Variants in CEP55 observed in about 807,000 individuals in gnomAD.
CEP55 encodes the protein centrosomal protein of 55 kDa.
In CEP55, 57 loss-of-function variants were observed where a neutral mutation model predicts 63.2. The ratio of observed to expected loss-of-function variants is 0.90; its 90% confidence interval spans 0.73 to 1.13. The LOEUF is 1.13. Among genes scored for constraint, CEP55 ranks in the 50% most tolerant of loss-of-function variants. The pLI is 0.00. For synonymous variants in CEP55, 178 were observed against 191.6 expected, an observed-to-expected ratio of 0.93 and a Z score of 0.59; for missense variants, 456 against 518.9, an observed-to-expected ratio of 0.88 and a Z score of 1.18.
At chr10:93,522,043 C>T (rs1218012153) in intron 8 of CEP55, among the ~76,000 whole-genome samples, 2 of 152,216 alleles carry the variant, frequency 1.3e-5, no homozygotes, top group African/African-American at 4.8e-5. Flanking sequence ...TGCCTCTCCT[C>T]CTCCAAAGGA....
intron 3 of CEP55, among the ~76,000 whole-genome samples, chr10:93,503,953 CCT>C (rs963335626): frequency 6.6e-6 from 1 of 151,728 alleles, no homozygotes; most frequent in African/African-American, 2.4e-5. Flanking sequence ...TCTCCAGACC[CCT>C]GTTCTAAATC....
intron 7 of CEP55, chr10:93,519,234 T>C: frequency 4.6e-6 from 2 of 430,254 alleles, no homozygotes; most frequent in Non-Finnish European, 8.4e-6. Context: ...CCAGTGGCTG[T>C]AGCTCCTAGC....
intron 8 of CEP55, 193 bp downstream of exon 8, chr10:93,520,000 C>T: frequency 3.2e-6 from 2 of 621,492 alleles, no homozygotes; most frequent in Non-Finnish European, 5.6e-6. Flanking sequence ...GACATGATCA[C>T]ATCTGGAAAC....
intron 4 of CEP55, among the ~76,000 whole-genome samples, chr10:93,511,253 T>G (rs1463701650): frequency 4.6e-5 from 7 of 152,148 alleles, no homozygotes; most frequent in African/African-American, 1.7e-4. Flanking sequence ...CAGGACATGT[T>G]ATTTTGCCCA....
At chr10:93,515,059 C>A (rs1045894316) in intron 4 of CEP55, among the ~76,000 whole-genome samples, 3 of 152,176 alleles carry the variant, frequency 2.0e-5, no homozygotes, top group Non-Finnish European at 4.4e-5. Flanking sequence ...AGGCGAGAGC[C>A]ACCGCACCCA....
In CEP55 at chr10:93,528,015, A is replaced by T. The variant is rs1362560709; in HGVS notation, c.1257A>T (p.Arg419Ser). Reference protein sequence around the residue: ...LVTFQGETENREKVAASPKSP... With the variant: ...LVTFQGETENSEKVAASPKSP... ...CTTTCCAAGGAGAGACTGAAAACAG[A>T]GAAAAAGTTGCCGCCTCACCAAAAA... Residue 419 changes from arginine to serine, a missense_variant, in exon 9 of 9, where the codon AGA (arginine) becomes AGT (serine). Arg to Ser is a moderately radical substitution (Grantham distance 110). Transcript: ENST00000371485. 2 of 1,614,104 alleles carry T rather than the reference A, an allele frequency of 1.2e-6. No individual in the cohort carries two copies. Among genetic ancestry groups the T allele is most frequent in the South Asian group, 2.2e-5 (2 of 91,076 alleles).
intron 3 of CEP55, among the ~76,000 whole-genome samples, chr10:93,503,841 C>T (rs2057659555): frequency 6.6e-6 from 1 of 152,176 alleles, no homozygotes; most frequent in South Asian, 2.1e-4. Context: ...AACAAGGATA[C>T]AGAAATAGAC....
At chr10:93,521,213 T>C (rs7915728) in intron 8 of CEP55, among the ~76,000 whole-genome samples, 150,107 of 152,208 alleles carry the variant, frequency 0.99, 74,040 homozygotes, top group East Asian at 1. Context: ...AAGGGGTGAC[T>C]GACGGCACCT....
chr10:93,524,888 A>G (rs1432179587), intron 8 of CEP55, among the ~76,000 whole-genome samples: 3 of 152,202 alleles, frequency 2.0e-5, no homozygotes, highest in Non-Finnish European at 4.4e-5. Context: ...AAAATTCAAC[A>G]GCCCTTCATG....
chr10:93,523,257 A>G (rs990979597), intron 8 of CEP55, among the ~76,000 whole-genome samples: 5 of 152,208 alleles, frequency 3.3e-5, no homozygotes, highest in Non-Finnish European at 7.3e-5. Flanking sequence ...TACCAAGCAA[A>G]TAGAAAACAA....
chr10:93,524,645 A>G (rs1351496746), intron 8 of CEP55, among the ~76,000 whole-genome samples: 1 of 152,206 alleles, frequency 6.6e-6, no homozygotes, highest in Non-Finnish European at 1.5e-5. Context: ...AAAAAAGAGA[A>G]TTTTAGACCA....
intron 8 of CEP55, among the ~76,000 whole-genome samples, chr10:93,522,204 A>G (rs1216856096): frequency 6.6e-6 from 1 of 152,224 alleles, no homozygotes; most frequent in Non-Finnish European, 1.5e-5. Flanking sequence ...GATTAGATGA[A>G]TGGCTAACTA....
chr10:93,513,217 TAA>T (rs2057769901), intron 4 of CEP55, among the ~76,000 whole-genome samples: 1 of 152,252 alleles, frequency 6.6e-6, no homozygotes, highest in Non-Finnish European at 1.5e-5. Context: ...GCTCCTGGGC[TAA>T]GTCTTTGATT....
At chr10:93,511,812 C>T (rs557437647) in intron 4 of CEP55, among the ~76,000 whole-genome samples, 1 of 152,036 alleles carries the variant, frequency 6.6e-6, no homozygotes, top group East Asian at 2.0e-4. Flanking sequence ...CCATATTGGC[C>T]AGGCTGGTCT....
chr10:93,500,280 C>T (rs751459238), intron 2 of CEP55, 46 bp downstream of exon 2: 12 of 1,467,816 alleles, frequency 8.2e-6, no homozygotes, highest in African/African-American at 2.9e-5. Context: ...TCCAAGAAAG[C>T]GATGCATGAA....
At chr10:93,500,371 T>G in intron 2 of CEP55, 137 bp downstream of exon 2, 1 of 723,816 alleles carries the variant, frequency 1.4e-6, no homozygotes, top group Admixed American at 3.0e-5. Flanking sequence ...TGACATTGGG[T>G]TTAGAATCTT....
chr10:93,519,941 A>C, intron 8 of CEP55, 134 bp downstream of exon 8: 1 of 918,414 alleles, frequency 1.1e-6, no homozygotes, highest in Non-Finnish European at 1.7e-6. Flanking sequence ...CCTCTGCCTC[A>C]TTTGAAGCAA....
In CEP55 at chr10:93,525,056, T is replaced by G. The variant is rs200517437; in HGVS notation, c.1192-2894T>G. ...AGACAGGGATGTCCTCTCTCACCACTCCTATTCAACATAGTGTTGGAAGTT... is the reference window on the plus strand; with the variant it reads ...AGACAGGGATGTCCTCTCTCACCACGCCTATTCAACATAGTGTTGGAAGTT... On this transcript the variant is annotated intron_variant, in intron 8 of 8. Coordinates refer to ENST00000371485, the MANE Select transcript of CEP55 (RefSeq NM_018131.5). Among the ~76,000 whole-genome samples, 3 of 150,892 alleles carry G rather than the reference T, an allele frequency of 2.0e-5. No homozygotes were observed. The East Asian group carries it at 5.9e-4, about 29-fold the overall frequency.
intron 8 of CEP55, among the ~76,000 whole-genome samples, chr10:93,524,100 T>A (rs1191653241): frequency 1.3e-5 from 2 of 151,970 alleles, no homozygotes; most frequent in African/African-American, 2.4e-5. Flanking sequence ...AGAGCAGAAC[T>A]GAAGGAGATA....
Sources: allele counts gnomAD v4.1 joint callset (sites outside exome capture counted in the v4.1 genomes callset), GRCh38; gene constraint gnomAD v4.1.1; transcripts MANE v1.5; gene names NCBI Gene and HGNC (gene_info 2026-07-23, HGNC 2026-07-21).